PPP6C: variants seen among roughly 807,000 people sequenced by gnomAD.
The protein encoded by PPP6C is serine/threonine-protein phosphatase 6 catalytic subunit.
PPP6C carries 11 observed loss-of-function variants against 39.8 expected under a neutral mutation model. The ratio of observed to expected loss-of-function variants is 0.28; its 90% confidence interval spans 0.17 to 0.46. The LOEUF (loss-of-function observed/expected upper bound fraction) is 0.46. PPP6C is among the 20% of genes least tolerant of loss of function. PPP6C has a pLI of 1.00. For synonymous variants in PPP6C, 129 were observed against 130.3 expected (o/e 0.99, Z 0.07); for missense variants, 211 against 373.9 (o/e 0.56, Z 3.59).
intron 6 of PPP6C, 89 bp from the exon 7 acceptor site, chr9:125,150,010 C>A: frequency 1.4e-6 from 2 of 1,432,796 alleles, no homozygotes; most frequent in Non-Finnish European, 1.9e-6. Flanking sequence ...AATCCTATTA[C>A]TACTAAAGGC....
intron 3 of PPP6C, among the ~76,000 whole-genome samples, chr9:125,159,903 T>C (rs950399827): frequency 6.6e-6 from 1 of 151,976 alleles, no homozygotes; most frequent in Non-Finnish European, 1.5e-5. Context: ...ACGCCTGTAA[T>C]ACCAGCTACT....
chr9:125,171,430 G>A (rs1324741001), intron 1 of PPP6C, among the ~76,000 whole-genome samples: 1 of 129,174 alleles, frequency 7.7e-6, no homozygotes, highest in African/African-American at 2.9e-5. Flanking sequence ...ACTGTAAAAT[G>A]ATGTTTTTCA....
chr9:125,179,955 C>A (rs1184238492), intron 1 of PPP6C, among the ~76,000 whole-genome samples: 1 of 152,038 alleles, frequency 6.6e-6, no homozygotes, highest in African/African-American at 2.4e-5. Flanking sequence ...ACACCCAGCC[C>A]GAATATAATT....
chr9:125,172,411 T>C (rs945191788), intron 1 of PPP6C, among the ~76,000 whole-genome samples: 1 of 152,116 alleles, frequency 6.6e-6, no homozygotes, highest in African/African-American at 2.4e-5. Flanking sequence ...TTCACCATGT[T>C]GGTCAGGCTG....
At position 125,170,671 on chromosome 9, in the gene PPP6C, C is replaced by T. The variant is rs75771581; in HGVS notation, c.171+414G>A. Among the ~76,000 whole-genome samples the T allele has an allele frequency of 5.7e-3, 862 of 152,232 alleles. 10 individuals are homozygous for T. The highest frequency in any genetic ancestry group is 0.02 in the African/African-American group (837 of 41,514). On this transcript the variant is annotated intron_variant, in intron 2 of 6. Transcript: ENST00000373547. ...TCTGTACCTTTGCTATTCTCATTCC[C>T]ACTAAAGAAATGATAAATTTTCAAC...
intron 1 of PPP6C, among the ~76,000 whole-genome samples, chr9:125,186,140 C>A (rs1417796067): frequency 6.6e-6 from 1 of 152,020 alleles, no homozygotes; most frequent in African/African-American, 2.4e-5. Flanking sequence ...TTCTTTTCTA[C>A]AGAACAAATC....
Position 125,148,315 on chromosome 9 carries a change from G to C in PPP6C, c.*1358C>G, listed in dbSNP as rs547715691. Reference sequence around the variant, plus strand: ...AATAACAAAAATTAATCATAGTAAAGGGATACCAACTATTTCACAAAATGT... The same window carrying C: ...AATAACAAAAATTAATCATAGTAAACGGATACCAACTATTTCACAAAATGT... On this transcript the variant is annotated 3_prime_UTR_variant, in exon 7 of 7. Transcript: ENST00000373547. 2.0e-5 allele frequency: 3 copies of C among 152,142 alleles called. No individual in the cohort carries two copies. Among genetic ancestry groups the C allele is most frequent in the Admixed American group, 6.5e-5 (1 of 15,286 alleles). The allele number at this position is 152,142 out of a possible 1,614,324, so 9.4% of individuals were successfully genotyped here. A position where few individuals can be genotyped will look rare whatever the true frequency, so the allele number is the denominator to read the frequency against.
rs776588161 is a variant in PPP6C, at chr9:125,153,698, A to G, written c.504T>C (p.Pro168=). 1 of 1,614,144 alleles carries G rather than the reference A, an allele frequency of 6.2e-7. No homozygotes were observed. Among genetic ancestry groups the G allele is most frequent in the Non-Finnish European group, 8.5e-7 (1 of 1,180,022 alleles). Residue 168 remains proline (P), a synonymous_variant, in exon 6 of 7, where the codon CCT becomes CCC. Coordinates refer to ENST00000373547, the MANE Select transcript of PPP6C (RefSeq NM_002721.5). Reference sequence around the variant, plus strand: ...GAATTTGATCCAGTGTTTTGATATCAGGAGATAAACCACCATGGACACACA... The same window carrying G: ...GAATTTGATCCAGTGTTTTGATATCGGGAGATAAACCACCATGGACACACA... ...QILCVHGGLS[P]DIKTLDQIRT...
At chr9:125,182,699 G>T (rs359574) in intron 1 of PPP6C, among the ~76,000 whole-genome samples, 34,880 of 148,670 alleles carry the variant, frequency 0.23, 4,612 homozygotes, top group East Asian at 0.31. Flanking sequence ...TCATTGCAGG[G>T]GACTGCTTGC....
At chr9:125,177,097 G>A (rs1407000097) in intron 1 of PPP6C, among the ~76,000 whole-genome samples, 3 of 152,120 alleles carry the variant, frequency 2.0e-5, no homozygotes, top group Admixed American at 6.5e-5. Context: ...ATTCCCGGCC[G>A]GGCGCGGTGG....
chr9:125,161,003 A>T (rs1828862425), intron 2 of PPP6C, 97 bp from the exon 3 acceptor site: 2 of 702,528 alleles, frequency 2.8e-6, no homozygotes, highest in Non-Finnish European at 4.4e-6. Flanking sequence ...AGCTAAGAGG[A>T]CTCCAAATAT....
At chr9:125,183,366 T>C (rs1364849481) in intron 1 of PPP6C, among the ~76,000 whole-genome samples, 1 of 152,220 alleles carries the variant, frequency 6.6e-6, no homozygotes, top group Non-Finnish European at 1.5e-5. Context: ...TGGCAGTGTT[T>C]CCCAAACACC....
intron 1 of PPP6C, among the ~76,000 whole-genome samples, chr9:125,175,357 G>A (rs531862442): frequency 5.3e-5 from 8 of 151,634 alleles, no homozygotes; most frequent in Non-Finnish European, 5.9e-5. Flanking sequence ...TACCTACGCC[G>A]GCCGGGCGCG....
chr9:125,184,364 G>A (rs1395410532), intron 1 of PPP6C, among the ~76,000 whole-genome samples: 3 of 151,800 alleles, frequency 2.0e-5, no homozygotes, highest in Non-Finnish European at 4.4e-5. Context: ...CTCCAGCCTG[G>A]TGACAGAGTG....
At chr9:125,157,695 G>GT (rs1564147844) in intron 4 of PPP6C, among the ~76,000 whole-genome samples, 50 of 16,386 alleles carry the variant, frequency 3.1e-3, no homozygotes, top group African/African-American at 7.5e-3. Context: ...TTTTTTTTTT[G>GT]GTTTTTTTTT....
intron 1 of PPP6C, among the ~76,000 whole-genome samples, chr9:125,177,477 C>G (rs360006): frequency 0.44 from 67,432 of 151,908 alleles, 15,340 homozygotes; most frequent in East Asian, 0.53. Context: ...CAGGAGGATC[C>G]CTTGAGCCCA....
chr9:125,189,590 C>T (rs1829617862), intron 1 of PPP6C, 54 bp downstream of exon 1: 1 of 1,608,474 alleles, frequency 6.2e-7, no homozygotes, highest in East Asian at 2.2e-5. Flanking sequence ...AAAGGAAGGG[C>T]CGGCCGGCGG....
chr9:125,180,877 T>G (rs1829407451), intron 1 of PPP6C, among the ~76,000 whole-genome samples: 1 of 152,198 alleles, frequency 6.6e-6, no homozygotes, highest in South Asian at 2.1e-4. Flanking sequence ...AGAACATCGC[T>G]GTGAAACTCT....
chr9:125,156,282 C>T (rs1010160453), intron 4 of PPP6C, among the ~76,000 whole-genome samples: 1 of 152,078 alleles, frequency 6.6e-6, no homozygotes, highest in African/African-American at 2.4e-5. Context: ...ATTATCTTTG[C>T]TTTGTTTCGT....
Sources: gnomAD v4.1 joint callset for allele counts (sites outside exome capture counted in the v4.1 genomes callset) on GRCh38, gnomAD v4.1.1 for gene constraint, MANE v1.5 for transcripts, NCBI Gene and HGNC (gene_info 2026-07-23, HGNC 2026-07-21) for gene names.